The following SBK2 variants were observed in gnomAD, a reference collection of about 807,000 sequenced individuals.
SBK2 encodes the protein serine/threonine-protein kinase SBK2.
In SBK2, 18 loss-of-function variants were observed where a neutral mutation model predicts 15.9. That is an observed-to-expected ratio of 1.13 (90% confidence interval 0.78 to 1.68). SBK2 has a LOEUF of 1.68. SBK2 is among the 40% of genes most tolerant of loss of function. The pLI, the probability that SBK2 is intolerant of heterozygous loss-of-function variation, is 0.00. For synonymous variants in SBK2, 284 were observed against 246.8 expected (o/e 1.15, Z -1.41); for missense variants, 581 against 510.9 (o/e 1.14, Z -1.32).
Position 55,530,577 on chromosome 19 carries a change from G to GC in SBK2, c.457-255dup, listed in dbSNP as rs1988231077. ...CTGTGAGGCCTGTGGGTTTAGTGTG[G>GC]CTTAGTGTGACCCGTGAGGCCTGTG... is the stretch of plus-strand genomic sequence containing the variant. On this transcript the variant is annotated intron_variant, in intron 3 of 3. Transcript: ENST00000413299. Among the ~76,000 whole-genome samples, 3 of 23,474 alleles carry GC rather than the reference G, an allele frequency of 1.3e-4. 1 individual carries two copies. Among genetic ancestry groups the GC allele is most frequent in the African/African-American group, 1.9e-4 (3 of 15,604 alleles). 15.4% of individuals were successfully genotyped at this position (23,474 alleles called of 152,430 possible).
rs1016804269 is a variant in SBK2, at chr19:55,529,017, C to T, written c.*716G>A. ...CTGTAATCCCAGCACTGCGGGAGGC[C>T]GAGGTGGGAGACTCGCTCCAGGCCA... On this transcript the variant is annotated 3_prime_UTR_variant, in exon 4 of 4. Transcript: ENST00000413299. 1.3e-5 allele frequency among the ~76,000 whole-genome samples: 2 copies of T among 152,204 alleles called. No homozygotes were observed. Among genetic ancestry groups the T allele is most frequent in the East Asian group, 1.9e-4 (1 of 5,198 alleles).
Position 55,529,654 on chromosome 19 carries a change from A to T in SBK2, c.*79T>A. On this transcript the variant is annotated 3_prime_UTR_variant, in exon 4 of 4. Transcript: ENST00000413299. ...TCCCAAGCCCCATGGATGAAAACAC[A>T]CCGAGGAGACACCAAAAGCCGTTGG... 1 of 1,522,798 alleles carries T rather than the reference A, an allele frequency of 6.6e-7. No homozygotes were observed. The highest frequency in any genetic ancestry group is 8.8e-7 in the Non-Finnish European group (1 of 1,141,622). The allele number at this position is 1,522,798 out of a possible 1,614,324, so 94.3% of individuals were successfully genotyped here.
At chr19:55,532,999 C>A (rs896258596) in intron 2 of SBK2, among the ~76,000 whole-genome samples, 2 of 152,074 alleles carry the variant, frequency 1.3e-5, no homozygotes, top group Non-Finnish European at 2.9e-5. Flanking sequence ...CAGGGTGCAA[C>A]CTTCCCCCTC....
rs1054649233 is a variant in SBK2, at chr19:55,530,191, G to A, written c.589C>T (p.Arg197Trp). 1.1e-5 allele frequency: 17 copies of A among 1,532,778 alleles called. No homozygotes were observed. In the East Asian group the frequency reaches 3.8e-4, roughly 34 times the overall value. 94.9% of individuals were successfully genotyped at this position (1,532,778 alleles called of 1,614,324 possible). A position where few individuals can be genotyped will look rare whatever the true frequency, so the allele number is the denominator to read the frequency against. Reference sequence around the variant, plus strand: ...CCGAAGTCGGTCAGCTTGAAGCGCCGGCAGGCCGGGTCGCACACCAGGACG... The same window carrying A: ...CCGAAGTCGGTCAGCTTGAAGCGCCAGCAGGCCGGGTCGCACACCAGGACG... The part of the protein sequence containing the change: ...ENVLVCDPAC[R>W]RFKLTDFGHT... Residue 197 changes from arginine (R) to tryptophan (W), a missense_variant, in exon 4 of 4, where the codon CGG becomes TGG. Physicochemically the swap from Arg to Trp is moderately radical, Grantham distance 101. Transcript: ENST00000413299.
At chr19:55,535,682 A>G (rs749774961) in intron 2 of SBK2, among the ~76,000 whole-genome samples, 7 of 152,170 alleles carry the variant, frequency 4.6e-5, no homozygotes, top group Non-Finnish European at 7.4e-5. Flanking sequence ...ACCCTGGCCA[A>G]CAGAGTGAAA....
intron 2 of SBK2, 52 bp downstream of exon 2, chr19:55,535,990 C>T (rs944913926): frequency 3.4e-5 from 48 of 1,419,044 alleles, no homozygotes; most frequent in East Asian, 1.1e-4. Flanking sequence ...ACCCCAGGCC[C>T]GTGCCCCGCC....
intron 2 of SBK2, among the ~76,000 whole-genome samples, chr19:55,531,861 C>T (rs1027142006): frequency 6.6e-6 from 1 of 152,044 alleles, no homozygotes; most frequent in Non-Finnish European, 1.5e-5. Context: ...TGCGTGTAAT[C>T]CCAGCTACTT....
intron 2 of SBK2, among the ~76,000 whole-genome samples, chr19:55,533,786 C>A (rs117553446): frequency 6.6e-6 from 1 of 151,842 alleles, no homozygotes; most frequent in Non-Finnish European, 1.5e-5. Flanking sequence ...GTGTTCACAG[C>A]GCTCCTGATC....
In SBK2 at chr19:55,536,234, C is replaced by T; in HGVS notation, c.61G>A (p.Glu21Lys). The change falls in exon 2 of 4, where the codon GAG becomes AAG. Residue 21 changes from glutamate (E) to lysine (K), a missense_variant. Coordinates refer to ENST00000413299, the MANE Select transcript of SBK2 (RefSeq NM_001370096.2). ...AEAGASEDSE[E>K]EGLGGLTLEE... Reference sequence around the variant, plus strand: ...AATGTCAGGCCGCCCAGACCCTCCTCCTCGCTGTCCTCCGAAGCCCCTGCC... The same window carrying T: ...AATGTCAGGCCGCCCAGACCCTCCTTCTCGCTGTCCTCCGAAGCCCCTGCC... The T allele has an allele frequency of 6.2e-7, 1 of 1,603,442 alleles. No homozygotes were observed. Among genetic ancestry groups the T allele is most frequent in the Non-Finnish European group, 8.5e-7 (1 of 1,175,954 alleles).
At chr19:55,532,468 A>G (rs1263761887) in intron 2 of SBK2, among the ~76,000 whole-genome samples, 1 of 149,066 alleles carries the variant, frequency 6.7e-6, no homozygotes, top group African/African-American at 2.5e-5. Context: ...ATACCTAGCT[A>G]ATTTTTGTAT....
chr19:55,532,830 A>T (rs1313770977), intron 2 of SBK2, among the ~76,000 whole-genome samples: 3 of 151,900 alleles, frequency 2.0e-5, no homozygotes, highest in Non-Finnish European at 4.4e-5. Flanking sequence ...AAGTTTTTTA[A>T]AAAAAATTTG....
intron 2 of SBK2, among the ~76,000 whole-genome samples, chr19:55,535,025 A>C (rs1316191619): frequency 6.9e-6 from 1 of 145,956 alleles, no homozygotes; most frequent in Non-Finnish European, 1.5e-5. Context: ...ACTCCATTTC[A>C]AAAAAAAAAA....
chr19:55,532,130 C>T (rs989248006), intron 2 of SBK2, among the ~76,000 whole-genome samples: 3 of 152,050 alleles, frequency 2.0e-5, no homozygotes, highest in Non-Finnish European at 4.4e-5. Flanking sequence ...CGTTTGGCTT[C>T]TCATGACAGC....
intron 2 of SBK2, among the ~76,000 whole-genome samples, 169 bp from the exon 3 acceptor site, chr19:55,531,514 C>T (rs1196382291): frequency 6.6e-6 from 1 of 152,210 alleles, no homozygotes; most frequent in African/African-American, 2.4e-5. Context: ...ATCCTAACAG[C>T]ATGGCCACCC....
At chr19:55,532,598 G>A (rs1042556722) in intron 2 of SBK2, among the ~76,000 whole-genome samples, 8 of 91,576 alleles carry the variant, frequency 8.7e-5, no homozygotes, top group African/African-American at 3.5e-4. Flanking sequence ...CACTACACCC[G>A]CCCTTTTTTT....
At position 55,534,146 on chromosome 19, in the gene SBK2, A is replaced by AC. The variant is rs552530031; in HGVS notation, c.253+1895dup. Among the ~76,000 whole-genome samples, 32 of 151,950 alleles carry AC rather than the reference A, an allele frequency of 2.1e-4. No individual in the cohort carries two copies. In the East Asian group the frequency reaches 5.2e-3, roughly 25 times the overall value. ...CCAAAACTCGTATGTGGGAGTCCTAACCCCCCCAGTGCTGAATGTGGCTGT... is the reference window on the plus strand; with the variant it reads ...CCAAAACTCGTATGTGGGAGTCCTAACCCCCCCCAGTGCTGAATGTGGCTGT... On this transcript the variant is annotated intron_variant, in intron 2 of 3. Coordinates refer to ENST00000413299, the MANE Select transcript of SBK2 (RefSeq NM_001370096.2).
In SBK2 at chr19:55,532,639, C is replaced by T. The variant is rs114771934; in HGVS notation, c.254-1294G>A. ...TTTTTAAGACAGGGTCTTTCTCTGTCGTCCAGGCTGGAGTGCAGCAGCACA... is the reference window on the plus strand; with the variant it reads ...TTTTTAAGACAGGGTCTTTCTCTGTTGTCCAGGCTGGAGTGCAGCAGCACA... On this transcript the variant is annotated intron_variant, in intron 2 of 3. Coordinates refer to ENST00000413299, the MANE Select transcript of SBK2 (RefSeq NM_001370096.2). 6.6e-4 allele frequency among the ~76,000 whole-genome samples: 85 copies of T among 128,812 alleles called. No homozygotes were observed. The East Asian group carries it at 7.3e-3, about 11-fold the overall frequency. 84.5% of individuals were successfully genotyped at this position (128,812 alleles called of 152,430 possible).
At position 55,530,092 on chromosome 19, in the gene SBK2, C is replaced by G. The variant is rs1438223677; in HGVS notation, c.688G>C (p.Ala230Pro). The change falls in exon 4 of 4, where the codon GCG (alanine) becomes CCG (proline). Residue 230 changes from alanine to proline, a missense_variant. Ala to Pro is a conservative substitution (Grantham distance 27, BLOSUM62 -1). Transcript: ENST00000413299. The stretch of plus-strand genomic sequence containing the variant: ...AGGCCCTCGGGGAGCGGCGGGGGCG[C>G]GCAGAGCTCGGGGGCCGTGTAGGGG... ...PIPYTAPELCAPPPLPEGLPI... is the reference protein window; with the variant it reads ...PIPYTAPELCPPPPLPEGLPI... 1 of 1,442,590 alleles carries G rather than the reference C, an allele frequency of 6.9e-7. No homozygotes were observed. The highest frequency in any genetic ancestry group is 2.7e-5 in the East Asian group (1 of 37,246). The allele number at this position is 1,442,590 out of a possible 1,614,324, so 89.4% of individuals were successfully genotyped here. A position where few individuals can be genotyped will look rare whatever the true frequency, so the allele number is the denominator to read the frequency against.
intron 2 of SBK2, among the ~76,000 whole-genome samples, chr19:55,532,601 C>CTTT (rs10682612): frequency 0.013 from 1,679 of 128,356 alleles, 45 homozygotes; most frequent in African/African-American, 0.031. Flanking sequence ...TACACCCGCC[C>CTTT]TTTTTTTTTT....
Sources: allele counts gnomAD v4.1 joint callset (sites outside exome capture counted in the v4.1 genomes callset), GRCh38; gene constraint gnomAD v4.1.1; transcripts MANE v1.5; gene names NCBI Gene and HGNC (gene_info 2026-07-23, HGNC 2026-07-21).